ZC3H12B: variants seen among roughly 807,000 people sequenced by gnomAD.
ZC3H12B encodes zinc finger CCCH-type containing 12B, also known as probable ribonuclease ZC3H12B.
Under a neutral mutation model 43.9 loss-of-function variants are expected in ZC3H12B, and 7 were observed. That is an observed-to-expected ratio of 0.16 (90% CI 0.09 to 0.30). The LOEUF (loss-of-function observed/expected upper bound fraction) is 0.30, where lower values mean the gene tolerates loss of function less well. Among genes scored for constraint, ZC3H12B ranks in the 10% least tolerant of loss-of-function variants. The pLI, the probability that ZC3H12B is intolerant of heterozygous loss-of-function variation, is 1.00. For missense variants in ZC3H12B, 475 were observed against 670.2 expected (o/e 0.71, Z 3.22); for synonymous variants, 222 against 241.7 (o/e 0.92, Z 0.76).
chrX:65,417,811 A>G (rs918823373), intron 3 of ZC3H12B, among the ~76,000 whole-genome samples: 26 of 112,865 alleles, frequency 2.3e-4, no homozygotes, highest in Non-Finnish European at 1.3e-4. Context: ...GGACTCTGAG[A>G]CAGACCTTGG....
chrX:65,162,103 C>T, the ZC3H12B span, among the ~76,000 whole-genome samples: 1 of 111,830 alleles, frequency 8.9e-6, no homozygotes, highest in Non-Finnish European at 1.9e-5. Flanking sequence ...CCCCCACTCT[C>T]TTCTGGCTTG....
chrX:65,458,501 C>T (rs1226928867), intron 3 of ZC3H12B, among the ~76,000 whole-genome samples: 2 of 111,928 alleles, frequency 1.8e-5, no homozygotes, highest in Non-Finnish European at 3.8e-5. Context: ...GGAATCACAA[C>T]AAACTGTCTC....
At chrX:65,290,605 A>G in the ZC3H12B span, among the ~76,000 whole-genome samples, 1 of 111,742 alleles carries the variant, frequency 8.9e-6, no homozygotes, top group Non-Finnish European at 1.9e-5. Flanking sequence ...GATTCAACCC[A>G]AGTATTCCTC....
At chrX:65,370,205 T>A (rs1033691545) in intron 2 of ZC3H12B, among the ~76,000 whole-genome samples, 1 of 112,534 alleles carries the variant, frequency 8.9e-6, no homozygotes, top group Non-Finnish European at 1.9e-5. Flanking sequence ...ATTTATTAAT[T>A]TGTAGTCGCA....
At chrX:65,153,841 C>T in the ZC3H12B span, among the ~76,000 whole-genome samples, 2 of 110,548 alleles carry the variant, frequency 1.8e-5, no homozygotes, top group Non-Finnish European at 3.8e-5. Flanking sequence ...AAATGTCCAA[C>T]AATGATAGAC....
At chrX:65,195,100 T>C in the ZC3H12B span, among the ~76,000 whole-genome samples, 2 of 110,724 alleles carry the variant, frequency 1.8e-5, no homozygotes, top group African/African-American at 6.6e-5. Flanking sequence ...TGGGTCTTTT[T>C]TTTTTTAATG....
the ZC3H12B span, among the ~76,000 whole-genome samples, chrX:65,223,145 C>G: frequency 1.8e-5 from 2 of 111,438 alleles, no homozygotes. Flanking sequence ...AAAGGACACC[C>G]TATTCAACAA....
chrX:65,230,704 G>A, the ZC3H12B span, among the ~76,000 whole-genome samples: 1 of 108,892 alleles, frequency 9.2e-6, no homozygotes, highest in South Asian at 3.9e-4. Context: ...AAACATGAAA[G>A]AGAAGTAATG....
chrX:65,157,830 G>C, the ZC3H12B span, among the ~76,000 whole-genome samples: 1 of 106,270 alleles, frequency 9.4e-6, no homozygotes, highest in South Asian at 4.4e-4. Context: ...ATGCAGGTTA[G>C]TTACATATGT....
chrX:65,234,823 A>AT, the ZC3H12B span, among the ~76,000 whole-genome samples: 41 of 111,062 alleles, frequency 3.7e-4, no homozygotes, highest in East Asian at 0.011. Flanking sequence ...TCCATTAGCT[A>AT]TTTTTTTCTG....
At chrX:65,165,727 G>C in the ZC3H12B span, among the ~76,000 whole-genome samples, 6 of 112,145 alleles carry the variant, frequency 5.4e-5, no homozygotes, top group African/African-American at 1.9e-4. Flanking sequence ...CCAAGTCTTT[G>C]TTATTGAAAA....
intron 3 of ZC3H12B, among the ~76,000 whole-genome samples, chrX:65,412,430 A>C (rs2066914774): frequency 8.9e-6 from 1 of 111,774 alleles, no homozygotes; most frequent in African/African-American, 3.3e-5. Context: ...TGCAATGATC[A>C]TGTGTACATG....
chrX:65,173,043 C>T, the ZC3H12B span, among the ~76,000 whole-genome samples: 1 of 111,996 alleles, frequency 8.9e-6, no homozygotes, highest in African/African-American at 3.2e-5. Context: ...ATTATTGATT[C>T]TTCCTGTCCA....
chrX:65,243,883 T>A, the ZC3H12B span, among the ~76,000 whole-genome samples: 4 of 112,173 alleles, frequency 3.6e-5, no homozygotes, highest in Non-Finnish European at 7.5e-5. Context: ...GAAAGTCAGA[T>A]ACTACTTATT....
At chrX:65,305,109 C>T in the ZC3H12B span, among the ~76,000 whole-genome samples, 1 of 111,563 alleles carries the variant, frequency 9.0e-6, no homozygotes, top group South Asian at 3.7e-4. Flanking sequence ...GATATATCAC[C>T]ACACATCTAT....
chrX:65,171,481 C>T, the ZC3H12B span, among the ~76,000 whole-genome samples: 5 of 111,196 alleles, frequency 4.5e-5, no homozygotes, highest in Admixed American at 9.6e-5. Flanking sequence ...TTAGGCTACT[C>T]GGGGGTCCGA....
At chrX:65,232,420 AAAG>A in the ZC3H12B span, among the ~76,000 whole-genome samples, 315 of 111,408 alleles carry the variant, frequency 2.8e-3, 1 homozygote, top group Non-Finnish European at 5.0e-3. Context: ...AAAGATGAAA[AAAG>A]AACAAAAAGT....
At chrX:65,384,441 A>G (rs996542433) in intron 2 of ZC3H12B, among the ~76,000 whole-genome samples, 2 of 111,337 alleles carry the variant, frequency 1.8e-5, no homozygotes, top group Non-Finnish European at 3.8e-5. Context: ...GCAGTGCACC[A>G]GCATGGCACA....
chrX:65,151,051 A>G, the ZC3H12B span, among the ~76,000 whole-genome samples: 1 of 112,386 alleles, frequency 8.9e-6, no homozygotes, highest in East Asian at 2.8e-4. Context: ...GTTTTTTGAC[A>G]TCAAAATTTA....
Sources: allele counts gnomAD v4.1 joint callset (sites outside exome capture counted in the v4.1 genomes callset), GRCh38; gene constraint gnomAD v4.1.1; transcripts MANE v1.5; gene names NCBI Gene and HGNC (gene_info 2026-07-23, HGNC 2026-07-21).